The following ZNF804B variants were observed in gnomAD, a reference collection of about 807,000 sequenced individuals.
The protein encoded by ZNF804B is zinc finger protein 804B, also known as zinc finger 804B.
Under a neutral mutation model 101.4 loss-of-function variants are expected in ZNF804B, and 80 were observed. That is an observed-to-expected ratio of 0.79 (90% CI 0.66 to 0.95). The LOEUF is 0.95. Ranked by LOEUF, ZNF804B falls within the 40% of genes least tolerant of loss-of-function variation. ZNF804B has a pLI of 0.00. For synonymous variants in ZNF804B, 622 were observed against 558.8 expected (o/e 1.11, Z -1.59); for missense variants, 1,673 against 1,561.9 (o/e 1.07, Z -1.20).
intron 1 of ZNF804B, among the ~76,000 whole-genome samples, chr7:88,823,356 A>G (rs539398766): frequency 1.6e-4 from 25 of 152,316 alleles, no homozygotes; most frequent in African/African-American, 5.3e-4. Context: ...ACAGGTATAA[A>G]CAGCCTGGAC....
chr7:89,000,569 T>A (rs564056395), intron 1 of ZNF804B, among the ~76,000 whole-genome samples: 1 of 152,140 alleles, frequency 6.6e-6, no homozygotes, highest in African/African-American at 2.4e-5. Flanking sequence ...CACTGTGCTG[T>A]ATATTAGATC....
At chr7:89,150,463 C>T (rs7792500) in intron 1 of ZNF804B, among the ~76,000 whole-genome samples, 1 of 151,806 alleles carries the variant, frequency 6.6e-6, no homozygotes, top group South Asian at 2.1e-4. Flanking sequence ...AAAGCATGGG[C>T]CTGGGAATTT....
chr7:89,047,343 C>T (rs1584093809), intron 1 of ZNF804B, among the ~76,000 whole-genome samples: 1 of 152,116 alleles, frequency 6.6e-6, no homozygotes, highest in South Asian at 2.1e-4. Flanking sequence ...GGGAAACTTA[C>T]AATTGCCTAG....
In ZNF804B at chr7:88,954,179, G is replaced by GT. The variant is rs1034291899; in HGVS notation, c.108+194103dup. On this transcript the variant is annotated intron_variant, in intron 1 of 3. Coordinates refer to ENST00000333190, the MANE Select transcript of ZNF804B (RefSeq NM_181646.5). Reference sequence around the variant, plus strand: ...TTGGATACAATTTTTTGAGTTTTCAGTTTTTTTTAATTTAACTGCATTGTT... The same window carrying GT: ...TTGGATACAATTTTTTGAGTTTTCAGTTTTTTTTTAATTTAACTGCATTGTT... 8.6e-5 allele frequency among the ~76,000 whole-genome samples: 13 copies of GT among 151,410 alleles called. No homozygotes were observed. The East Asian group carries it at 1.2e-3, about 14-fold the overall frequency.
intron 1 of ZNF804B, among the ~76,000 whole-genome samples, chr7:88,961,348 G>A (rs1230705999): frequency 6.6e-6 from 1 of 151,106 alleles, no homozygotes; most frequent in Non-Finnish European, 1.5e-5. Flanking sequence ...AATCTTTAAC[G>A]TGGTTGTTTG....
chr7:89,321,751 A>T (rs1790824455), intron 2 of ZNF804B, among the ~76,000 whole-genome samples: 1 of 147,558 alleles, frequency 6.8e-6, no homozygotes, highest in African/African-American at 2.5e-5. Flanking sequence ...TACCTAAATT[A>T]AAAGGAAAAA....
At position 89,240,699 on chromosome 7, in the gene ZNF804B, T is replaced by A. The variant is rs574627433; in HGVS notation, c.249+22404T>A. On this transcript the variant is annotated intron_variant, in intron 2 of 3. Coordinates refer to ENST00000333190, the MANE Select transcript of ZNF804B (RefSeq NM_181646.5). Reference sequence around the variant, plus strand: ...GCATTTTTTTCCACTTTTATCTTCATCTTCCTTGGCTCTCTACACTGAGTA... The same window carrying A: ...GCATTTTTTTCCACTTTTATCTTCAACTTCCTTGGCTCTCTACACTGAGTA... 1.3e-4 allele frequency among the ~76,000 whole-genome samples: 20 copies of A among 152,152 alleles called. No individual in the cohort carries two copies. The South Asian group carries it at 4.1e-3, about 32-fold the overall frequency.
At chr7:89,146,260 A>G (rs561595927) in intron 1 of ZNF804B, among the ~76,000 whole-genome samples, 1 of 152,084 alleles carries the variant, frequency 6.6e-6, no homozygotes, top group Non-Finnish European at 1.5e-5. Flanking sequence ...ATTTTGTAGG[A>G]TGTAGTAATG....
intron 2 of ZNF804B, among the ~76,000 whole-genome samples, chr7:89,324,943 C>T (rs1562946010): frequency 6.6e-6 from 1 of 151,666 alleles, no homozygotes; most frequent in South Asian, 2.1e-4. Flanking sequence ...TAAAGCAACT[C>T]CAAAGTAGTG....
At chr7:88,959,781 G>A (rs776815570) in intron 1 of ZNF804B, among the ~76,000 whole-genome samples, 1 of 151,420 alleles carries the variant, frequency 6.6e-6, no homozygotes, top group African/African-American at 2.4e-5. Context: ...TTATAGCACT[G>A]TACACTGTGG....
intron 1 of ZNF804B, among the ~76,000 whole-genome samples, chr7:89,151,218 C>T (rs967322999): frequency 1.3e-5 from 2 of 152,018 alleles, no homozygotes; most frequent in African/African-American, 2.4e-5. Flanking sequence ...CCTCTTCTAG[C>T]AATTTAAGGA....
chr7:89,195,697 C>A (rs1445845401), intron 1 of ZNF804B, among the ~76,000 whole-genome samples: 1 of 151,700 alleles, frequency 6.6e-6, no homozygotes, highest in East Asian at 1.9e-4. Context: ...TAAGAAACTT[C>A]AGCAAATCTT....
intron 2 of ZNF804B, among the ~76,000 whole-genome samples, chr7:89,248,389 A>G (rs933283322): frequency 6.6e-6 from 1 of 151,820 alleles, no homozygotes; most frequent in African/African-American, 2.4e-5. Flanking sequence ...AGGGAACACT[A>G]TCAGGCTAAC....
rs1218585964 is a variant in ZNF804B, at chr7:89,335,963, A to G, written c.2981A>G (p.Asp994Gly). ...GCAAGTGAGAGCAGAAATGATCAAG[A>G]CAGTGCAATTCCAAGGACTACGGAG... ...QYASESRNDQ[D>G]SAIPRTTEKD... The change falls in exon 4 of 4, where the codon GAC becomes GGC. Residue 994 changes from aspartate to glycine, a missense_variant. By Grantham distance (94) the Asp-to-Gly change is moderately conservative. Transcript: ENST00000333190. The G allele has an allele frequency of 6.2e-7, 1 of 1,614,078 alleles. No individual in the cohort carries two copies. Among genetic ancestry groups the G allele is most frequent in the African/African-American group, 1.3e-5 (1 of 75,044 alleles).
intron 1 of ZNF804B, among the ~76,000 whole-genome samples, chr7:89,090,366 A>G (rs78371149): frequency 0.011 from 1,749 of 152,168 alleles, 27 homozygotes; most frequent in African/African-American, 0.039. Flanking sequence ...GAAGAAATGA[A>G]AAGTTTCAGG....
At chr7:89,166,921 A>G (rs1584027782) in intron 1 of ZNF804B, among the ~76,000 whole-genome samples, 1 of 152,156 alleles carries the variant, frequency 6.6e-6, no homozygotes, top group Non-Finnish European at 1.5e-5. Context: ...CTGCATCTTT[A>G]CATTTGGTTA....
rs577506848 is a variant in ZNF804B, at chr7:89,035,456, T to A, written c.109-182699T>A. 1.1e-3 allele frequency among the ~76,000 whole-genome samples: 168 copies of A among 151,466 alleles called. 1 individual carries two copies. In the South Asian group the frequency reaches 0.016, roughly 15 times the overall value. ...TTTTAAAAAAATCAGCTACGTTGGC[T>A]TTTTATTCTGATGATAGGAAATTAT... On this transcript the variant is annotated intron_variant, in intron 1 of 3. Transcript: ENST00000333190.
At chr7:89,043,507 G>C (rs1187880685) in intron 1 of ZNF804B, among the ~76,000 whole-genome samples, 1 of 152,116 alleles carries the variant, frequency 6.6e-6, no homozygotes, top group East Asian at 1.9e-4. Flanking sequence ...AGTAAATTTA[G>C]TTCTGAAAGT....
At chr7:88,770,056 A>C (rs1231845803) in intron 1 of ZNF804B, among the ~76,000 whole-genome samples, 1 of 152,172 alleles carries the variant, frequency 6.6e-6, no homozygotes, top group East Asian at 1.9e-4. Context: ...TAGATAGTTA[A>C]ATTCTTTGCC....
Sources: allele counts gnomAD v4.1 joint callset (sites outside exome capture counted in the v4.1 genomes callset), GRCh38; gene constraint gnomAD v4.1.1; transcripts MANE v1.5; gene names NCBI Gene and HGNC (gene_info 2026-07-23, HGNC 2026-07-21).